GLI3: variants seen among roughly 807,000 people sequenced by gnomAD.
The protein encoded by GLI3 is GLI family zinc finger 3.
A neutral mutation model predicts 100.8 loss-of-function variants in GLI3; 20 were observed. The ratio of observed to expected loss-of-function variants is 0.20; its 90% CI spans 0.14 to 0.29. The LOEUF (loss-of-function observed/expected upper bound fraction) is 0.29. GLI3 is among the 10% of genes least tolerant of loss of function. The probability of loss-of-function intolerance (pLI) is 1.00; values close to 1 mark genes in which losing one functional copy is unlikely to be tolerated. For missense variants in GLI3, 2,040 were observed against 2,128.5 expected, an observed-to-expected ratio of 0.96 and a Z score of 0.82; for synonymous variants, 938 against 860.5, an observed-to-expected ratio of 1.09 and a Z score of -1.58.
At chr7:42,060,976 A>G (rs1447306787) in intron 4 of GLI3, among the ~76,000 whole-genome samples, 1 of 152,218 alleles carries the variant, frequency 6.6e-6, no homozygotes, top group African/African-American at 2.4e-5. Flanking sequence ...CTGTTTACAA[A>G]CAAACCAGCT....
chr7:42,023,328 T>C (rs1583800820), intron 10 of GLI3, 140 bp downstream of exon 10: 1 of 814,144 alleles, frequency 1.2e-6, no homozygotes, highest in East Asian at 2.6e-5. Context: ...GTTTTCTTTA[T>C]TCTCAGAAAG....
intron 2 of GLI3, among the ~76,000 whole-genome samples, chr7:42,210,456 G>T (rs1788249953): frequency 6.8e-6 from 1 of 147,700 alleles, no homozygotes; most frequent in Non-Finnish European, 1.5e-5. Context: ...ATTTGATAGA[G>T]ACTCACTTTC....
chr7:42,152,502 G>A (rs1786896899), intron 2 of GLI3: 1 of 792,438 alleles, frequency 1.3e-6, no homozygotes, highest in African/African-American at 1.9e-5. Context: ...CCCATTAGAG[G>A]AATTAAAAGT....
At chr7:42,256,396 A>T (rs1358260353) in intron 1 of GLI3, among the ~76,000 whole-genome samples, 2 of 151,984 alleles carry the variant, frequency 1.3e-5, no homozygotes, top group Non-Finnish European at 2.9e-5. Flanking sequence ...CACTTTTTCC[A>T]GAAGTTCTAT....
At chr7:42,040,892 T>C (rs552877811) in intron 6 of GLI3, among the ~76,000 whole-genome samples, 1 of 152,236 alleles carries the variant, frequency 6.6e-6, no homozygotes, top group South Asian at 2.1e-4. Context: ...CAGCAGATGC[T>C]ACTGGAATCT....
chr7:42,215,197 T>C (rs1310798347), intron 2 of GLI3, among the ~76,000 whole-genome samples: 1 of 152,154 alleles, frequency 6.6e-6, no homozygotes, highest in Non-Finnish European at 1.5e-5. Flanking sequence ...AACCGTTCTG[T>C]GTCTCGATGG....
intron 1 of GLI3, among the ~76,000 whole-genome samples, chr7:42,253,379 G>C (rs1789053408): frequency 6.6e-6 from 1 of 152,320 alleles, no homozygotes; most frequent in African/African-American, 2.4e-5. Context: ...GGCATTAGTT[G>C]GGGCTCCCCA....
chr7:42,039,016 A>G (rs771187092), intron 7 of GLI3, among the ~76,000 whole-genome samples: 3 of 152,270 alleles, frequency 2.0e-5, no homozygotes, highest in Non-Finnish European at 4.4e-5. Context: ...CTTTTCAAGC[A>G]AGGAATTATT....
intron 1 of GLI3, among the ~76,000 whole-genome samples, chr7:42,226,339 A>T (rs545822160): frequency 6.6e-6 from 1 of 152,300 alleles, no homozygotes; most frequent in South Asian, 2.1e-4. Context: ...GAATCAGGAG[A>T]CAAGTTCCCA....
intron 3 of GLI3, among the ~76,000 whole-genome samples, chr7:42,129,969 C>T (rs1786233157): frequency 6.6e-6 from 1 of 152,136 alleles, no homozygotes; most frequent in Admixed American, 6.5e-5. Flanking sequence ...ACAGAATGAA[C>T]TTTCCTGGGA....
At chr7:42,246,554 A>G (rs1788974333) in intron 1 of GLI3, among the ~76,000 whole-genome samples, 2 of 152,204 alleles carry the variant, frequency 1.3e-5, no homozygotes, top group African/African-American at 4.8e-5. Flanking sequence ...GAGGGCAAGA[A>G]TGACTGGCCA....
At chr7:41,968,417 A>G (rs1787246517) in intron 13 of GLI3, among the ~76,000 whole-genome samples, 1 of 152,140 alleles carries the variant, frequency 6.6e-6, no homozygotes, top group South Asian at 2.1e-4. Flanking sequence ...AGCAATTATT[A>G]TGATCCCGGG....
chr7:42,154,600 C>T (rs1369983711), intron 2 of GLI3, among the ~76,000 whole-genome samples: 1 of 152,198 alleles, frequency 6.6e-6, no homozygotes, highest in Admixed American at 6.5e-5. Context: ...TCCAAGTCCT[C>T]GCTCCCTGTT....
intron 2 of GLI3, among the ~76,000 whole-genome samples, chr7:42,186,925 T>C (rs1448597629): frequency 2.0e-5 from 3 of 152,260 alleles, no homozygotes; most frequent in South Asian, 4.1e-4. Context: ...AAAATGATCA[T>C]GATGGCTGGG....
At chr7:42,200,779 G>C (rs1214168489) in intron 2 of GLI3, among the ~76,000 whole-genome samples, 2 of 150,116 alleles carry the variant, frequency 1.3e-5, no homozygotes, top group African/African-American at 4.9e-5. Context: ...TGAGACAGAA[G>C]ACTCTCCTTT....
At chr7:41,989,826 C>T (rs992269704) in intron 10 of GLI3, among the ~76,000 whole-genome samples, 21 of 151,580 alleles carry the variant, frequency 1.4e-4, no homozygotes, top group African/African-American at 4.4e-4. Context: ...TGAGCCCAGG[C>T]GTTCAACACC....
intron 3 of GLI3, among the ~76,000 whole-genome samples, chr7:42,113,909 T>C (rs1785781102): frequency 6.6e-6 from 1 of 152,182 alleles, no homozygotes. Context: ...TTGATACACA[T>C]GTCCACCTTG....
chr7:41,988,458 C>G (rs978194201), intron 10 of GLI3, among the ~76,000 whole-genome samples: 1 of 88,682 alleles, frequency 1.1e-5, no homozygotes, highest in African/African-American at 4.9e-5. Context: ...AATGAAACTC[C>G]ATCTCAAAAA....
At chr7:42,239,163 G>T (rs538668846), upstream of GLI3, among the ~76,000 whole-genome samples, 9 of 152,282 alleles carry the variant, frequency 5.9e-5, no homozygotes, top group African/African-American at 2.2e-4. Flanking sequence ...CGACCTCACG[G>T]CTCAGGAAAA....
Sources: allele counts gnomAD v4.1 joint callset (sites outside exome capture counted in the v4.1 genomes callset), GRCh38; gene constraint gnomAD v4.1.1; transcripts MANE v1.5; gene names NCBI Gene and HGNC (gene_info 2026-07-23, HGNC 2026-07-21).